GLRB: variants seen among roughly 807,000 people sequenced by gnomAD.
The protein encoded by GLRB is glycine receptor beta.
GLRB carries 33 observed loss-of-function variants against 54.2 expected under a neutral mutation model. The observed-to-expected ratio is 0.61, with a 90% CI of 0.46 to 0.81. GLRB has a LOEUF of 0.81. Ranked by LOEUF, GLRB falls within the 40% of genes least tolerant of loss-of-function variation. The probability of loss-of-function intolerance (pLI) is 0.00; values close to 1 mark genes in which losing one functional copy is unlikely to be tolerated. For missense variants in GLRB, 572 were observed against 584.6 expected, an observed-to-expected ratio of 0.98 and a Z score of 0.22; for synonymous variants, 209 against 208.2, an observed-to-expected ratio of 1.00 and a Z score of -0.03.
chr4:157,143,353 A>G (rs913954721), intron 7 of GLRB, among the ~76,000 whole-genome samples: 1 of 151,926 alleles, frequency 6.6e-6, no homozygotes, highest in Non-Finnish European at 1.5e-5. Flanking sequence ...ATCCTAGATA[A>G]GAAGTGGTAC....
intron 4 of GLRB, among the ~76,000 whole-genome samples, chr4:157,130,613 G>C (rs1158497871): frequency 2.0e-5 from 3 of 151,572 alleles, no homozygotes; most frequent in Non-Finnish European, 4.4e-5. Context: ...CATTGTGTGT[G>C]AATGTACCTA....
chr4:157,087,758 T>A (rs11933256), intron 2 of GLRB, among the ~76,000 whole-genome samples: 193 of 152,022 alleles, frequency 1.3e-3, no homozygotes, highest in African/African-American at 4.5e-3. Flanking sequence ...TTTTCACAGA[T>A]TAAGGAATTC....
At chr4:157,160,177 A>G (rs1000779378) in intron 9 of GLRB, among the ~76,000 whole-genome samples, 2 of 152,070 alleles carry the variant, frequency 1.3e-5, no homozygotes, top group African/African-American at 4.8e-5. Flanking sequence ...ATCGGTGGTG[A>G]TATACCCTTT....
chr4:157,096,075 T>C (rs1734800139), intron 2 of GLRB, among the ~76,000 whole-genome samples: 1 of 152,144 alleles, frequency 6.6e-6, no homozygotes, highest in Non-Finnish European at 1.5e-5. Flanking sequence ...CACAGTCCTT[T>C]CCTGGGAATT....
intron 4 of GLRB, among the ~76,000 whole-genome samples, chr4:157,128,477 A>T (rs1234929840): frequency 6.6e-6 from 1 of 151,846 alleles, no homozygotes; most frequent in Non-Finnish European, 1.5e-5. Context: ...ATAATACTAC[A>T]CAACTTCCTG....
At chr4:157,090,030 C>T (rs1220931541) in intron 2 of GLRB, among the ~76,000 whole-genome samples, 1 of 152,118 alleles carries the variant, frequency 6.6e-6, no homozygotes, top group Non-Finnish European at 1.5e-5. Context: ...TCTGTCAGGC[C>T]ATAGTCATGT....
chr4:157,098,401 A>T (rs1316755702), intron 2 of GLRB, among the ~76,000 whole-genome samples: 1 of 152,174 alleles, frequency 6.6e-6, no homozygotes, highest in Admixed American at 6.5e-5. Flanking sequence ...TGTAAGATCT[A>T]TTAGCCTCTC....
chr4:157,077,906 T>G, intron 1 of GLRB, 90 bp from the exon 2 acceptor site: 1 of 763,040 alleles, frequency 1.3e-6, no homozygotes, highest in Non-Finnish European at 2.2e-6. Context: ...ACTTGCCCTT[T>G]GGGTAGTAAT....
intron 2 of GLRB, among the ~76,000 whole-genome samples, chr4:157,101,487 G>A (rs915296985): frequency 6.6e-5 from 10 of 151,992 alleles, no homozygotes; most frequent in Admixed American, 5.2e-4. Context: ...TAACAGACAC[G>A]CAATCTCCCC....
At chr4:157,080,830 G>A (rs1734195105) in intron 2 of GLRB, among the ~76,000 whole-genome samples, 1 of 151,930 alleles carries the variant, frequency 6.6e-6, no homozygotes, top group Non-Finnish European at 1.5e-5. Context: ...AGCAATGTGG[G>A]TGCATAGACA....
intron 4 of GLRB, chr4:157,136,230 A>G (rs1736393425): frequency 2.0e-6 from 1 of 500,664 alleles, no homozygotes; most frequent in Non-Finnish European, 3.6e-6. Flanking sequence ...TTATATTCTG[A>G]TGTTTGAGCT....
At chr4:157,158,883 C>T (rs1737347569) in intron 9 of GLRB, among the ~76,000 whole-genome samples, 1 of 142,612 alleles carries the variant, frequency 7.0e-6, no homozygotes, top group Non-Finnish European at 1.5e-5. Context: ...TCATTGTTAG[C>T]TTGATGGGAT....
chr4:157,162,318 C>T (rs1737530374), intron 9 of GLRB, among the ~76,000 whole-genome samples: 1 of 152,208 alleles, frequency 6.6e-6, no homozygotes, highest in Non-Finnish European at 1.5e-5. Context: ...CACCAATCAT[C>T]TGAAGCCTTC....
intron 1 of GLRB, among the ~76,000 whole-genome samples, chr4:157,077,674 C>T (rs1734085874): frequency 6.6e-6 from 1 of 150,922 alleles, no homozygotes. Flanking sequence ...ATATACTGTG[C>T]AATTCAATAT....
In GLRB at chr4:157,170,920, G is replaced by A. The variant is rs1185756746; in HGVS notation, c.*192G>A. 1.5e-5 allele frequency: 8 copies of A among 526,994 alleles called. No individual in the cohort carries two copies. The highest frequency in any genetic ancestry group is 6.8e-5 in the Admixed American group (2 of 29,228). The allele number at this position is 526,994 out of a possible 1,614,324, so 32.6% of individuals were successfully genotyped here. On this transcript the variant is annotated 3_prime_UTR_variant, in exon 10 of 10. Transcript: ENST00000264428. The stretch of plus-strand genomic sequence containing the variant: ...CATGTAATATCTGTGCTCTAATAAC[G>A]ATGTATATATGTATAGTGAACATAT...
At position 157,152,756 on chromosome 4, in the gene GLRB, AC is replaced by A; in HGVS notation, c.946del (p.Ala317ProfsTer10). 6.2e-7 allele frequency: 1 copy of A among 1,613,546 alleles called. No individual in the cohort carries two copies. Among genetic ancestry groups the A allele is most frequent in the East Asian group, 2.2e-5 (1 of 44,846 alleles). On this transcript the variant is annotated frameshift_variant, in exon 9 of 10. Coordinates refer to ENST00000264428, the MANE Select transcript of GLRB (RefSeq NM_000824.5). LOFTEE classifies it high-confidence loss of function. ...SVLSLASECTTLAAELPKVSY... is the reference protein window; with the variant it reads ...SVLSLASECTXLAAELPKVSY... ...CCTCAGCTTGGCCTCTGAGTGCACA[AC>A]CCTTGCCGCTGAGCTTCCCAAAGTT...
intron 8 of GLRB, among the ~76,000 whole-genome samples, chr4:157,151,761 A>T (rs1737030702): frequency 6.6e-6 from 1 of 152,244 alleles, no homozygotes; most frequent in African/African-American, 2.4e-5. Flanking sequence ...ATGGTGATAT[A>T]TATACATTAA....
At position 157,160,376 on chromosome 4, in the gene GLRB, T is replaced by G. The variant is rs552714241; in HGVS notation, c.1197+7366T>G. 1.3e-4 allele frequency among the ~76,000 whole-genome samples: 20 copies of G among 152,300 alleles called. No homozygotes were observed. In the East Asian group the frequency reaches 2.7e-3, roughly 21 times the overall value. On this transcript the variant is annotated intron_variant, in intron 9 of 9. Coordinates refer to ENST00000264428, the MANE Select transcript of GLRB (RefSeq NM_000824.5). ...TAGTTATGTCTTGCCTTCTGCTAGC[T>G]TTTGAATGTTTTTGCTCTTGCTTCT...
intron 2 of GLRB, among the ~76,000 whole-genome samples, chr4:157,083,182 A>T (rs1231096598): frequency 6.6e-6 from 1 of 152,022 alleles, no homozygotes; most frequent in Non-Finnish European, 1.5e-5. Flanking sequence ...GTGCAGAAAT[A>T]TTTGCAGGAG....
Sources: allele counts gnomAD v4.1 joint callset (sites outside exome capture counted in the v4.1 genomes callset), GRCh38; gene constraint gnomAD v4.1.1; transcripts MANE v1.5; gene names NCBI Gene and HGNC (gene_info 2026-07-23, HGNC 2026-07-21).